The following JAKMIP3 variants were observed in gnomAD, a reference collection of about 807,000 sequenced individuals.
JAKMIP3 encodes Janus kinase and microtubule interacting protein 3, also known as janus kinase and microtubule-interacting protein 3.
Under a neutral mutation model 118.5 loss-of-function variants are expected in JAKMIP3, and 58 were observed. That is an observed-to-expected ratio of 0.49 (90% CI 0.40 to 0.61). The LOEUF is 0.61. JAKMIP3 is among the 20% of genes least tolerant of loss of function. The pLI is 0.00. For synonymous variants in JAKMIP3, 486 were observed against 451.2 expected (o/e 1.08, Z -0.98); for missense variants, 950 against 1,109.0 (o/e 0.86, Z 2.04).
chr10:132,041,868 TC>T (rs1301479198), intron 1 of JAKMIP3, among the ~76,000 whole-genome samples: 47 of 151,892 alleles, frequency 3.1e-4, no homozygotes, highest in African/African-American at 1.1e-3. Flanking sequence ...TTCTTTCTTT[TC>T]TTTTTTTTTT....
intron 1 of JAKMIP3, among the ~76,000 whole-genome samples, chr10:132,080,902 T>C (rs2041682486): frequency 6.6e-6 from 1 of 152,208 alleles, no homozygotes; most frequent in African/African-American, 2.4e-5. Flanking sequence ...ATCCCACAGT[T>C]TGTCCTTTCA....
At chr10:132,047,634 C>G (rs992271844) in intron 1 of JAKMIP3, among the ~76,000 whole-genome samples, 6 of 152,138 alleles carry the variant, frequency 3.9e-5, no homozygotes, top group Non-Finnish European at 8.8e-5. Flanking sequence ...GGTCCCCACC[C>G]CCCCCTGCGA....
rs1176701043 is a variant in JAKMIP3, at chr10:132,139,282, GTATA to G, written c.1344+1106_1344+1109del. ...TGTGTGTATGTGTGTACATGTGAGT[GTATA>G]TGCATCTGTGTATGTGTGTGAGTGT... is the stretch of plus-strand genomic sequence containing the variant. On this transcript the variant is annotated intron_variant, in intron 9 of 23. Transcript: ENST00000684848. Among the ~76,000 whole-genome samples, 204 of 148,398 alleles carry G rather than the reference GTATA, an allele frequency of 1.4e-3. 2 individuals are homozygous for G. The highest frequency in any genetic ancestry group is 2.4e-3 in the Non-Finnish European group (161 of 67,546).
At position 132,117,920 on chromosome 10, in the gene JAKMIP3, G is replaced by A. The variant is rs766224265; in HGVS notation, c.633+346G>A. Reference sequence around the variant, plus strand: ...GAAATCGGCACTGCCCATCCACACCGCAGGGTTCACGGACATCTCTTCTTA... The same window carrying A: ...GAAATCGGCACTGCCCATCCACACCACAGGGTTCACGGACATCTCTTCTTA... On this transcript the variant is annotated intron_variant, in intron 3 of 23. Coordinates refer to ENST00000684848, the MANE Select transcript of JAKMIP3 (RefSeq NM_001323087.2). The surrounding 1 kb of genome is among the most constrained non-coding windows in gnomAD (Gnocchi z 8.6). Among the ~76,000 whole-genome samples the A allele has an allele frequency of 2.2e-4, 34 of 152,128 alleles. No individual in the cohort carries two copies. The highest frequency in any genetic ancestry group is 4.3e-4 in the Non-Finnish European group (29 of 68,028).
chr10:132,117,220 G>A lies in JAKMIP3; in HGVS notation c.279G>A (p.Thr93=), dbSNP rs779055507. 23 of 1,613,974 alleles carry A rather than the reference G, an allele frequency of 1.4e-5. No homozygotes were observed. Among genetic ancestry groups the A allele is most frequent in the Non-Finnish European group, 1.9e-5 (23 of 1,179,892 alleles). ...AGGAGCTACAGGCTGTGCGTGAGAC[G>A]CTGCTGCGGCAGCATGAGGCTGAGC... ...KMKELQAVRE[T]LLRQHEAELL... The change falls in exon 3 of 24, where the codon ACG becomes ACA. Residue 93 remains threonine, a synonymous_variant. Coordinates refer to ENST00000684848, the MANE Select transcript of JAKMIP3 (RefSeq NM_001323087.2). This position sits in a 1 kb window ranked among gnomAD's most constrained non-coding sequence, Gnocchi z 8.6.
chr10:132,067,862 G>GTGGACTGTGGGCTTCCGTGTGGAC (rs1285774385), intron 1 of JAKMIP3, among the ~76,000 whole-genome samples: 47 of 148,440 alleles, frequency 3.2e-4, no homozygotes, highest in Non-Finnish European at 5.5e-4. Flanking sequence ...GGGCTTACGT[G>GTGGACTGTGGGCTTCCGTGTGGAC]TGGACTGTGG....
chr10:132,084,305 A>G (rs1473765234), intron 1 of JAKMIP3, among the ~76,000 whole-genome samples: 2 of 152,132 alleles, frequency 1.3e-5, no homozygotes, highest in African/African-American at 4.8e-5. Flanking sequence ...AGCTATTGTA[A>G]AAGGGGTTGG....
chr10:132,125,256 G>A (rs58960697), intron 3 of JAKMIP3, among the ~76,000 whole-genome samples: 5,110 of 149,482 alleles, frequency 0.034, 172 homozygotes, highest in African/African-American at 0.094. Context: ...GAGTGGTTTG[G>A]GATGGATTGA....
chr10:132,140,172 C>A (rs939718859), intron 9 of JAKMIP3, among the ~76,000 whole-genome samples: 1 of 152,236 alleles, frequency 6.6e-6, no homozygotes, highest in Non-Finnish European at 1.5e-5. Flanking sequence ...ACCGCAGGGA[C>A]GGTGCCCCAC....
rs377196858 is a variant in JAKMIP3, at chr10:132,138,751, C to T, written c.1344+573C>T. On this transcript the variant is annotated intron_variant, in intron 9 of 23. Transcript: ENST00000684848. Reference sequence around the variant, plus strand: ...TGCCTGTGTAGGGTCCGAGTCCCCACGACCTGTGGGATGCACGGCTCTGAG... The same window carrying T: ...TGCCTGTGTAGGGTCCGAGTCCCCATGACCTGTGGGATGCACGGCTCTGAG... Among the ~76,000 whole-genome samples, 154 of 152,250 alleles carry T rather than the reference C, an allele frequency of 1.0e-3. 2 individuals are homozygous for T. The highest frequency in any genetic ancestry group is 3.2e-3 in the African/African-American group (132 of 41,542).
At position 132,112,158 on chromosome 10, in the gene JAKMIP3, C is replaced by T. The variant is rs948028095; in HGVS notation, c.136-4919C>T. On this transcript the variant is annotated intron_variant, in intron 2 of 23. Transcript: ENST00000684848. The surrounding 1 kb of genome is among the most constrained non-coding windows in gnomAD (Gnocchi z 4.3). ...ATGATGGGCACTGGGGGCCGGAGGA[C>T]ATCAAGGACTCTGCGTGAGACAGGA... is the stretch of plus-strand genomic sequence containing the variant. Among the ~76,000 whole-genome samples, 1 of 152,014 alleles carries T rather than the reference C, an allele frequency of 6.6e-6. No homozygotes were observed. Among genetic ancestry groups the T allele is most frequent in the Admixed American group, 6.5e-5 (1 of 15,274 alleles).
chr10:132,122,003 C>G (rs1290775399), intron 3 of JAKMIP3, among the ~76,000 whole-genome samples: 1 of 152,234 alleles, frequency 6.6e-6, no homozygotes, highest in Non-Finnish European at 1.5e-5. Context: ...TAACTCTGGC[C>G]AGCAAAGCCT....
In JAKMIP3 at chr10:132,112,738, G is replaced by A. The variant is rs2047062667; in HGVS notation, c.136-4339G>A. Among the ~76,000 whole-genome samples, 1 of 152,144 alleles carries A rather than the reference G, an allele frequency of 6.6e-6. No individual in the cohort carries two copies. Among genetic ancestry groups the A allele is most frequent in the African/African-American group, 2.4e-5 (1 of 41,416 alleles). On this transcript the variant is annotated intron_variant, in intron 2 of 23. Coordinates refer to ENST00000684848, the MANE Select transcript of JAKMIP3 (RefSeq NM_001323087.2). This position sits in a 1 kb window ranked among gnomAD's most constrained non-coding sequence, Gnocchi z 4.3. Reference sequence around the variant, plus strand: ...GGGATTCGGATTCTCCTTGTCCACAGCCACGTGTCTCCTTGGACAGGGCAG... The same window carrying A: ...GGGATTCGGATTCTCCTTGTCCACAACCACGTGTCTCCTTGGACAGGGCAG...
chr10:132,088,343 A>G (rs1201939797), intron 1 of JAKMIP3, among the ~76,000 whole-genome samples: 1 of 152,090 alleles, frequency 6.6e-6, no homozygotes, highest in Non-Finnish European at 1.5e-5. Context: ...AACTGTTCCT[A>G]TTTCTCCACA....
intron 1 of JAKMIP3, among the ~76,000 whole-genome samples, chr10:132,053,572 CTT>C (rs1360005779): frequency 2.0e-5 from 3 of 152,202 alleles, no homozygotes; most frequent in Non-Finnish European, 4.4e-5. Context: ...CCTCTCAGCA[CTT>C]TTGTTACCTT....
intron 19 of JAKMIP3, among the ~76,000 whole-genome samples, chr10:132,160,458 C>G (rs1286960101): frequency 1.9e-3 from 77 of 41,060 alleles, no homozygotes; most frequent in Admixed American, 2.3e-3. Context: ...GGGGTCTCTT[C>G]CTGTGTGATG....
chr10:132,109,147 T>C (rs28524713), intron 2 of JAKMIP3, among the ~76,000 whole-genome samples: 6,346 of 131,406 alleles, frequency 0.048, 401 homozygotes, highest in East Asian at 0.23. Flanking sequence ...TATATATATA[T>C]ACACACACAT....
At chr10:132,058,560 C>T (rs1048973316) in intron 1 of JAKMIP3, among the ~76,000 whole-genome samples, 7 of 152,182 alleles carry the variant, frequency 4.6e-5, no homozygotes, top group African/African-American at 1.7e-4. Flanking sequence ...CCCCTGGGCA[C>T]GCAGGTGGTG....
Position 132,119,576 on chromosome 10 carries a change from C to T in JAKMIP3, c.633+2002C>T, listed in dbSNP as rs78828981. On this transcript the variant is annotated intron_variant, in intron 3 of 23. Coordinates refer to ENST00000684848, the MANE Select transcript of JAKMIP3 (RefSeq NM_001323087.2). ...GGTGTCTCATTGTCAGTCCCTCCTC[C>T]GCCCTACTTTGTAGTAATTATTCTA... is the stretch of plus-strand genomic sequence containing the variant. Among the ~76,000 whole-genome samples the T allele has an allele frequency of 1.7e-3, 261 of 152,266 alleles. 1 individual carries two copies. Among genetic ancestry groups the T allele is most frequent in the African/African-American group, 6.1e-3 (255 of 41,526 alleles).
Sources: allele counts gnomAD v4.1 joint callset (sites outside exome capture counted in the v4.1 genomes callset), GRCh38; gene constraint gnomAD v4.1.1; non-coding constraint Gnocchi (gnomAD v3.1); transcripts MANE v1.5; gene names NCBI Gene and HGNC (gene_info 2026-07-23, HGNC 2026-07-21).